IL2: variants seen among roughly 807,000 people sequenced by gnomAD.
The protein encoded by IL2 is interleukin 2.
IL2 carries 3 observed loss-of-function variants against 14.6 expected under a neutral mutation model. The observed-to-expected ratio is 0.21, with a 90% confidence interval of 0.09 to 0.53. The LOEUF (loss-of-function observed/expected upper bound fraction) is 0.53. IL2 is among the 20% of genes least tolerant of loss of function. The pLI, the probability that IL2 is intolerant of heterozygous loss-of-function variation, is 0.95. For synonymous variants in IL2, 71 were observed against 60.0 expected, an observed-to-expected ratio of 1.18 and a Z score of -0.85; for missense variants, 125 against 170.8, an observed-to-expected ratio of 0.73 and a Z score of 1.50.
rs1797699782 is a variant in IL2, at chr4:122,453,751, C to G, written c.310G>C (p.Asp104His). ...QSKNFHLRPR[D>H]LISNINVIVL... ...ATTACGTTGATATTGCTGATTAAGT[C>G]CCTGGGTCTTAAGTGAAAGTTTTTG... The change falls in exon 3 of 4, where the codon GAC becomes CAC. Residue 104 changes from aspartate (D) to histidine (H), a missense_variant. Asp to His is a moderately conservative substitution (Grantham distance 81). Coordinates refer to ENST00000226730, the MANE Select transcript of IL2 (RefSeq NM_000586.4). 1.2e-6 allele frequency: 2 copies of G among 1,611,264 alleles called. No homozygotes were observed. Among genetic ancestry groups the G allele is most frequent in the South Asian group, 2.2e-5 (2 of 90,924 alleles).
At chr4:122,455,181 A>G (rs1045007242) in intron 2 of IL2, among the ~76,000 whole-genome samples, 1 of 151,766 alleles carries the variant, frequency 6.6e-6, no homozygotes, top group Non-Finnish European at 1.5e-5. Flanking sequence ...ATGGGATTGC[A>G]TCTGTGTCCC....
At position 122,456,178 on chromosome 4, in the gene IL2, C is replaced by A. The variant is rs760934382; in HGVS notation, c.173G>T (p.Arg58Met). 6.2e-7 allele frequency: 1 copy of A among 1,608,910 alleles called. No individual in the cohort carries two copies. Among genetic ancestry groups the A allele is most frequent in the East Asian group, 2.2e-5 (1 of 44,766 alleles). The stretch of plus-strand genomic sequence containing the variant: ...CATGTAAAACTTAAATGTGAGCATC[C>A]TGGTGAGTTTGGGATTCTTGTAATT... ...INNYKNPKLT[R>M]MLTFKFYMPK... Residue 58 changes from arginine to methionine, a missense_variant, in exon 2 of 4, where the codon AGG (arginine) becomes ATG (methionine). Physicochemically the swap from Arg to Met is moderately conservative, Grantham distance 91. Coordinates refer to ENST00000226730, the MANE Select transcript of IL2 (RefSeq NM_000586.4).
chr4:122,452,491 A>G (rs942950127), intron 3 of IL2, among the ~76,000 whole-genome samples: 2 of 151,992 alleles, frequency 1.3e-5, no homozygotes, highest in Admixed American at 1.3e-4. Context: ...TAAACATTAG[A>G]AATTTTGTTC....
At chr4:122,456,271 AG>A in intron 1 of IL2, 22 bp downstream of exon 1, 1 of 1,598,684 alleles carries the variant, frequency 6.3e-7, no homozygotes. Context: ...TAATAATTTT[AG>A]TAAGAAAGGA....
chr4:122,455,667 G>A (rs764440744), intron 2 of IL2, among the ~76,000 whole-genome samples: 1 of 151,874 alleles, frequency 6.6e-6, no homozygotes, highest in South Asian at 2.1e-4. Flanking sequence ...ATGAAAGCTA[G>A]GACATGGCAG....
intron 2 of IL2, among the ~76,000 whole-genome samples, chr4:122,454,707 C>T (rs1398842368): frequency 6.6e-6 from 1 of 151,776 alleles, no homozygotes; most frequent in Admixed American, 6.6e-5. Flanking sequence ...CTCATTATAG[C>T]ATTAACATAG....
rs1797699831 is a variant in IL2 at position 122,453,756 on chromosome 4, G to T, written c.305C>A (p.Pro102His). The part of the protein sequence containing the change: ...LAQSKNFHLR[P>H]RDLISNINVI... Reference sequence around the variant, plus strand: ...GTTGATATTGCTGATTAAGTCCCTGGGTCTTAAGTGAAAGTTTTTGCTTTG... The same window carrying T: ...GTTGATATTGCTGATTAAGTCCCTGTGTCTTAAGTGAAAGTTTTTGCTTTG... Residue 102 changes from proline to histidine, a missense_variant, in exon 3 of 4, where the codon CCC becomes CAC. Coordinates refer to ENST00000226730, the MANE Select transcript of IL2 (RefSeq NM_000586.4). 6.2e-7 allele frequency: 1 copy of T among 1,610,974 alleles called. No individual in the cohort carries two copies. The highest frequency in any genetic ancestry group is 1.3e-5 in the African/African-American group (1 of 74,714).
At chr4:122,455,978 T>G (rs1193176747) in intron 2 of IL2, among the ~76,000 whole-genome samples, 166 bp downstream of exon 2, 1 of 151,798 alleles carries the variant, frequency 6.6e-6, no homozygotes, top group Non-Finnish European at 1.5e-5. Context: ...AAAATATAGG[T>G]AAAACTGTTT....
Position 122,456,484 on chromosome 4 carries a change from T to C in IL2, c.-44A>G, listed in dbSNP as rs372276938. 1 of 1,503,240 alleles carries C rather than the reference T, an allele frequency of 6.7e-7. No individual in the cohort carries two copies. Among genetic ancestry groups the C allele is most frequent in the Non-Finnish European group, 9.1e-7 (1 of 1,103,726 alleles). The allele number at this position is 1,503,240 out of a possible 1,614,324, so 93.1% of individuals were successfully genotyped here. A position where few individuals can be genotyped will look rare whatever the true frequency, so the allele number is the denominator to read the frequency against. On this transcript the variant is annotated 5_prime_UTR_variant, in exon 1 of 4. Transcript: ENST00000226730. ...TACTGTGAGTAGTGATTAAAGAGAG[T>C]GATAGGGAACTCTTGAACAAGAGAT...
chr4:122,451,854 T>C lies in IL2; in HGVS notation c.360A>G (p.Glu120=). The C allele has an allele frequency of 6.4e-7, 1 of 1,558,130 alleles. No individual in the cohort carries two copies. The highest frequency in any genetic ancestry group is 8.8e-7 in the Non-Finnish European group (1 of 1,141,098). The change falls in exon 4 of 4, where the codon GAA becomes GAG. Residue 120 remains glutamate (E), a synonymous_variant. Coordinates refer to ENST00000226730, the MANE Select transcript of IL2 (RefSeq NM_000586.4). ...CAGCATATTCACACATGAATGTTGT[T>C]TCAGATCCCTATAAAAGAAAAATGT... The part of the protein sequence containing the change: ...NVIVLELKGS[E]TTFMCEYADE...
chr4:122,452,415 ATACT>A (rs1474681225), intron 3 of IL2, among the ~76,000 whole-genome samples: 3 of 152,034 alleles, frequency 2.0e-5, no homozygotes, highest in Non-Finnish European at 2.9e-5. Flanking sequence ...ATCTTCATAA[ATACT>A]TACACCTATC....
At chr4:122,456,012 T>A in intron 2 of IL2, 132 bp downstream of exon 2, 18 of 578,792 alleles carry the variant, frequency 3.1e-5, no homozygotes, top group Non-Finnish European at 4.0e-5. Context: ...ATTATCAAAC[T>A]TGGGTTTTCA....
At chr4:122,456,095 A>G in intron 2 of IL2, 49 bp downstream of exon 2, 2 of 1,352,140 alleles carry the variant, frequency 1.5e-6, no homozygotes, top group Non-Finnish European at 2.1e-6. Flanking sequence ...TTTTCATATT[A>G]CTTTGAATTT....
chr4:122,456,003 T>A, intron 2 of IL2, 141 bp downstream of exon 2: 4 of 573,428 alleles, frequency 7.0e-6, no homozygotes, highest in African/African-American at 1.9e-5. Flanking sequence ...AGAGGCTTCA[T>A]TATCAAACTT....
At chr4:122,452,346 G>C (rs1797685310) in intron 3 of IL2, among the ~76,000 whole-genome samples, 1 of 152,054 alleles carries the variant, frequency 6.6e-6, no homozygotes, top group South Asian at 2.1e-4. Flanking sequence ...AAGCAGAACA[G>C]AACTACACTA....
chr4:122,453,532 C>T (rs1162770310), intron 3 of IL2, among the ~76,000 whole-genome samples, 178 bp downstream of exon 3: 1 of 151,744 alleles, frequency 6.6e-6, no homozygotes, highest in African/African-American at 2.4e-5. Flanking sequence ...CTTATACTCC[C>T]CAGTTAATCA....
intron 2 of IL2, among the ~76,000 whole-genome samples, chr4:122,454,953 A>G (rs1292586356): frequency 2.6e-5 from 4 of 151,766 alleles, no homozygotes; most frequent in Non-Finnish European, 5.9e-5. Flanking sequence ...TGCGCTTTCA[A>G]TTCACCACTA....
At position 122,456,312 on chromosome 4, in the gene IL2, C is replaced by A. The variant is rs146566026; in HGVS notation, c.129G>T (p.Met43Ile). Residue 43 changes from methionine (M) to isoleucine (I), a missense_variant, in exon 1 of 4, where the codon ATG becomes ATT. By Grantham distance (10) the Met-to-Ile change is conservative. Transcript: ENST00000226730. ...TACTTACATTAATTCCATTCAAAAT[C>A]ATCTGTAAATCCAGCAGTAAATGCT... Reference protein sequence around the residue: ...QLEHLLLDLQMILNGINNYKN... With the variant: ...QLEHLLLDLQIILNGINNYKN... 2.4e-4 allele frequency: 393 copies of A among 1,610,242 alleles called. 1 individual carries two copies. The African/African-American group carries it at 4.6e-3, about 19-fold the overall frequency.
At chr4:122,453,951 A>G (rs1797703381) in intron 2 of IL2, 98 bp from the exon 3 acceptor site, 1 of 1,070,204 alleles carries the variant, frequency 9.3e-7, no homozygotes, top group African/African-American at 1.6e-5. Flanking sequence ...TGTAGTTTTT[A>G]CCATTCTCTC....
Sources: allele counts gnomAD v4.1 joint callset (sites outside exome capture counted in the v4.1 genomes callset), GRCh38; gene constraint gnomAD v4.1.1; transcripts MANE v1.5; gene names NCBI Gene and HGNC (gene_info 2026-07-23, HGNC 2026-07-21).